Variants in HIVEP1 observed in about 807,000 individuals in gnomAD.
HIVEP1 encodes the protein HIVEP zinc finger 1.
A neutral mutation model predicts 180.0 loss-of-function variants in HIVEP1; 36 were observed. That is an observed-to-expected ratio of 0.20 (90% confidence interval 0.15 to 0.26). The LOEUF is 0.26. Among genes scored for constraint, HIVEP1 ranks in the 10% least tolerant of loss-of-function variants. The pLI, the probability that HIVEP1 is intolerant of heterozygous loss-of-function variation, is 1.00. For missense variants in HIVEP1, 3,143 were observed against 3,268.7 expected, an observed-to-expected ratio of 0.96 and a Z score of 0.94; for synonymous variants, 1,239 against 1,239.0, an observed-to-expected ratio of 1.00 and a Z score of 0.00.
At chr6:12,041,469 T>G (rs1769717109) in intron 2 of HIVEP1, among the ~76,000 whole-genome samples, 1 of 146,880 alleles carries the variant, frequency 6.8e-6, no homozygotes, top group African/African-American at 2.5e-5. Context: ...GTTGCTAATA[T>G]GGGCTACTGT....
the HIVEP1 span, among the ~76,000 whole-genome samples, chr6:12,198,442 T>C: frequency 0.048 from 7,271 of 152,232 alleles, 571 homozygotes; most frequent in African/African-American, 0.16. Context: ...TAAGTAATAA[T>C]TTTCCTGGGA....
chr6:12,032,489 T>TG (rs747732718), intron 2 of HIVEP1, among the ~76,000 whole-genome samples: 33 of 152,124 alleles, frequency 2.2e-4, no homozygotes, highest in Middle Eastern at 3.4e-3. Flanking sequence ...TGTGGTTTAG[T>TG]GGGGGAAAAA....
At chr6:12,198,008 A>G in the HIVEP1 span, among the ~76,000 whole-genome samples, 1 of 152,234 alleles carries the variant, frequency 6.6e-6, no homozygotes, top group Non-Finnish European at 1.5e-5. Context: ...TGGGTGTCAC[A>G]TGCAGGCTAC....
rs1205174728 is a variant in HIVEP1, at chr6:12,163,688, A to G, written c.7384A>G (p.Ser2462Gly). 3 of 1,614,144 alleles carry G rather than the reference A, an allele frequency of 1.9e-6. No individual in the cohort carries two copies. The highest frequency in any genetic ancestry group is 2.5e-6 in the Non-Finnish European group (3 of 1,180,044). ...TNPAGVAELS[S>G]VVPCIPIGQI... ...CCCTGCTGGAGTGGCTGAATTAAGC[A>G]GTGTTGTGCCATGTATTCCTATCGG... is the stretch of plus-strand genomic sequence containing the variant. The change falls in exon 9 of 9, where the codon AGT becomes GGT. Residue 2462 changes from serine to glycine, a missense_variant. Physicochemically the swap from Ser to Gly is moderately conservative, Grantham distance 56. Coordinates refer to ENST00000379388, the MANE Select transcript of HIVEP1 (RefSeq NM_002114.4).
the HIVEP1 span, among the ~76,000 whole-genome samples, chr6:12,204,150 A>G: frequency 4.5e-4 from 69 of 152,288 alleles, no homozygotes; most frequent in African/African-American, 1.4e-3. Context: ...TAAGTGAGGA[A>G]TGAAGAATGG....
At chr6:12,012,172 A>G (rs1767374262), upstream of HIVEP1, 1 of 130,902 alleles carries the variant, frequency 7.6e-6, no homozygotes, top group South Asian at 2.3e-4. Flanking sequence ...GGCCGCGATC[A>G]TGCCGTGGCT....
chr6:12,047,069 C>T (rs1770188433), intron 2 of HIVEP1, among the ~76,000 whole-genome samples: 1 of 152,040 alleles, frequency 6.6e-6, no homozygotes, highest in Non-Finnish European at 1.5e-5. Flanking sequence ...CCATGTTGGC[C>T]AGGCTGGTCT....
intron 2 of HIVEP1, among the ~76,000 whole-genome samples, chr6:12,045,374 A>C (rs370432649): frequency 9.2e-5 from 14 of 152,186 alleles, no homozygotes; most frequent in African/African-American, 3.4e-4. Flanking sequence ...AGGGTGGAGC[A>C]TGGTGGGGTT....
At chr6:12,100,753 A>T (rs1774069111) in intron 3 of HIVEP1, among the ~76,000 whole-genome samples, 1 of 152,306 alleles carries the variant, frequency 6.6e-6, no homozygotes, top group Non-Finnish European at 1.5e-5. Context: ...AGTATCCCTA[A>T]TCTGAAAATC....
intron 3 of HIVEP1, among the ~76,000 whole-genome samples, chr6:12,093,537 T>A (rs1773615471): frequency 6.6e-6 from 1 of 151,720 alleles, no homozygotes. Flanking sequence ...TGGAGTTTGT[T>A]TTTTTAAAAA....
chr6:12,204,478 T>C, the HIVEP1 span, among the ~76,000 whole-genome samples: 1 of 147,258 alleles, frequency 6.8e-6, no homozygotes, highest in African/African-American at 2.5e-5. Flanking sequence ...ATGGTGAATT[T>C]CAGCAACATG....
chr6:12,064,359 C>A (rs1771428499), intron 2 of HIVEP1, among the ~76,000 whole-genome samples: 1 of 152,118 alleles, frequency 6.6e-6, no homozygotes, highest in South Asian at 2.1e-4. Flanking sequence ...ATAACCTCAG[C>A]AGGCTGTTTT....
chr6:12,170,955 C>T, the HIVEP1 span, among the ~76,000 whole-genome samples: 1 of 152,076 alleles, frequency 6.6e-6, no homozygotes, highest in Non-Finnish European at 1.5e-5. Flanking sequence ...AGTTGGCGGA[C>T]TGAATAAAAT....
At chr6:12,109,152 T>A (rs4711562) in intron 3 of HIVEP1, among the ~76,000 whole-genome samples, 12 of 120,180 alleles carry the variant, frequency 1.0e-4, no homozygotes, top group East Asian at 4.7e-4. Flanking sequence ...GCTAATTTTT[T>A]AAATTTTTTT....
In HIVEP1 at chr6:12,047,575, G is replaced by C. The variant is rs1770223878; in HGVS notation, c.40+31907G>C. 4.6e-5 allele frequency among the ~76,000 whole-genome samples: 7 copies of C among 152,248 alleles called. No homozygotes were observed. The South Asian group carries it at 1.4e-3, about 31-fold the overall frequency. On this transcript the variant is annotated intron_variant, in intron 2 of 8. Transcript: ENST00000379388. ...CGCGGGTCTCACAGCCACTGGAGCAGAGGTGCTACTCAGAAGCAGGTGTTC... is the reference window on the plus strand; with the variant it reads ...CGCGGGTCTCACAGCCACTGGAGCACAGGTGCTACTCAGAAGCAGGTGTTC...
downstream of HIVEP1, among the ~76,000 whole-genome samples, chr6:12,166,306 AG>A (rs1760698827): frequency 6.6e-6 from 1 of 152,176 alleles, no homozygotes; most frequent in Non-Finnish European, 1.5e-5. Context: ...TTTAGCATTG[AG>A]GTTTTTTAGT....
At position 12,164,346 on chromosome 6, in the gene HIVEP1, T is replaced by A; in HGVS notation, c.8042T>A (p.Leu2681His). The part of the protein sequence containing the change: ...VFTKPSGQQT[L>H]SPDRQVPRPT... ...ACAAAGCCCTCAGGCCAGCAGACTC[T>A]CTCTCCAGACAGACAGGTTCCCAGG... The change falls in exon 9 of 9, where the codon CTC becomes CAC. Residue 2681 changes from leucine to histidine, a missense_variant. Physicochemically the swap from Leu to His is moderately conservative, Grantham distance 99 (BLOSUM62 -3). This residue lies in a region of HIVEP1 where 595 missense variants were observed against 602.2 expected (regional missense o/e 0.99). Transcript: ENST00000379388. 3.7e-6 allele frequency: 6 copies of A among 1,614,046 alleles called. No homozygotes were observed. Among genetic ancestry groups the A allele is most frequent in the Middle Eastern group, 1.6e-4 (1 of 6,062 alleles).
chr6:12,011,888 C>G (rs1464942693), upstream of HIVEP1: 2 of 134,600 alleles, frequency 1.5e-5, no homozygotes, highest in South Asian at 2.4e-4. Context: ...GCCCACGCGT[C>G]GCCGCCCGCG....
At chr6:12,067,086 A>T (rs1167393768) in intron 2 of HIVEP1, among the ~76,000 whole-genome samples, 1 of 152,102 alleles carries the variant, frequency 6.6e-6, no homozygotes, top group East Asian at 1.9e-4. Context: ...TCTTTGGAAA[A>T]TCCGTTTAGG....
Sources: allele counts gnomAD v4.1 joint callset (sites outside exome capture counted in the v4.1 genomes callset), GRCh38; gene constraint gnomAD v4.1.1; regional missense constraint gnomAD v4.1.1; transcripts MANE v1.5; gene names NCBI Gene and HGNC (gene_info 2026-07-23, HGNC 2026-07-21).